The following CCSER1 variants were observed in gnomAD, a reference collection of about 807,000 sequenced individuals.
CCSER1 encodes coiled-coil serine rich protein 1, also known as serine-rich coiled-coil domain-containing protein 1.
In CCSER1, 41 loss-of-function variants were observed where a neutral mutation model predicts 82.0. The observed-to-expected ratio is 0.50, with a 90% confidence interval of 0.39 to 0.65. CCSER1 has a LOEUF of 0.65. Ranked by LOEUF, CCSER1 falls within the 30% of genes least tolerant of loss-of-function variation. CCSER1 has a pLI of 0.00. For missense variants in CCSER1, 1,119 were observed against 1,064.2 expected, an observed-to-expected ratio of 1.05 and a Z score of -0.72; for synonymous variants, 414 against 383.9, an observed-to-expected ratio of 1.08 and a Z score of -0.92.
intron 5 of CCSER1, among the ~76,000 whole-genome samples, chr4:90,517,454 T>A: frequency 6.6e-6 from 1 of 152,060 alleles, no homozygotes; most frequent in East Asian, 1.9e-4. Context: ...CATAAGTAGA[T>A]AGGTGTTGGT....
intron 10 of CCSER1, among the ~76,000 whole-genome samples, chr4:91,290,115 A>G (rs1266912289): frequency 6.6e-6 from 1 of 151,992 alleles, no homozygotes; most frequent in African/African-American, 2.4e-5. Context: ...AACATTCTAT[A>G]GTCAGTAACT....
At chr4:91,246,602 C>A (rs769819949) in intron 10 of CCSER1, among the ~76,000 whole-genome samples, 1 of 152,118 alleles carries the variant, frequency 6.6e-6, no homozygotes, top group Non-Finnish European at 1.5e-5. Flanking sequence ...TTTGTTGCAG[C>A]ACTGTTTACA....
chr4:90,738,991 TA>T lies in CCSER1; in HGVS notation c.2010+15005del, dbSNP rs576091741. On this transcript the variant is annotated intron_variant, in intron 7 of 10. Coordinates refer to ENST00000509176, the MANE Select transcript of CCSER1 (RefSeq NM_001145065.2). ...ATGGTGGAACTGGTACAAGCTTCAG[TA>T]AAAAGTCCCATTTTTTCCTTCCTCT... Among the ~76,000 whole-genome samples, 300 of 152,286 alleles carry T rather than the reference TA, an allele frequency of 2.0e-3. 1 individual carries two copies. Among genetic ancestry groups the T allele is most frequent in the African/African-American group, 6.9e-3 (285 of 41,558 alleles).
intron 6 of CCSER1, among the ~76,000 whole-genome samples, chr4:90,690,671 C>T (rs962445206): frequency 1.3e-5 from 2 of 152,046 alleles, no homozygotes; most frequent in African/African-American, 4.8e-5. Context: ...TTTCCTCATG[C>T]ATAAGTGGTA....
At chr4:90,946,817 A>G (rs1365035110) in intron 9 of CCSER1, among the ~76,000 whole-genome samples, 3 of 152,162 alleles carry the variant, frequency 2.0e-5, no homozygotes, top group Non-Finnish European at 4.4e-5. Flanking sequence ...AGAATAAACT[A>G]TATCCATTAT....
At chr4:90,136,078 TG>T (rs1220281612) in intron 1 of CCSER1, among the ~76,000 whole-genome samples, 1 of 152,224 alleles carries the variant, frequency 6.6e-6, no homozygotes. Context: ...TAACCTTATT[TG>T]TATCTTATGT....
chr4:90,509,150 A>G (rs1396049196), intron 5 of CCSER1, among the ~76,000 whole-genome samples: 1 of 152,070 alleles, frequency 6.6e-6, no homozygotes, highest in Non-Finnish European at 1.5e-5. Context: ...ATGTGTGTCA[A>G]TGAGTATGTG....
intron 10 of CCSER1, among the ~76,000 whole-genome samples, chr4:91,521,103 C>T (rs1760444826): frequency 6.6e-6 from 1 of 152,092 alleles, no homozygotes. Context: ...TCTCATTGTT[C>T]ACTTCCCACT....
intron 6 of CCSER1, among the ~76,000 whole-genome samples, chr4:90,719,105 G>T (rs887835710): frequency 6.6e-6 from 1 of 152,078 alleles, no homozygotes; most frequent in South Asian, 2.1e-4. Context: ...GGAGGTGAGC[G>T]GAGGGCGAGT....
chr4:91,483,118 A>T (rs1758035839), intron 10 of CCSER1, among the ~76,000 whole-genome samples: 1 of 152,172 alleles, frequency 6.6e-6, no homozygotes, highest in South Asian at 2.1e-4. Context: ...AAGAAAGAAA[A>T]AAATTAAATG....
At chr4:91,525,659 T>C (rs1017631882) in intron 10 of CCSER1, among the ~76,000 whole-genome samples, 4 of 152,104 alleles carry the variant, frequency 2.6e-5, no homozygotes, top group Non-Finnish European at 4.4e-5. Flanking sequence ...CCTCCTGTCA[T>C]TAGTGTCAGA....
chr4:90,260,387 T>A lies in CCSER1; in HGVS notation c.-41-47857T>A, dbSNP rs1350439814. Among the ~76,000 whole-genome samples the A allele has an allele frequency of 1.1e-4, 16 of 152,216 alleles. No individual in the cohort carries two copies. In the South Asian group the frequency reaches 3.3e-3, roughly 31 times the overall value. ...GTCTTCCACTATTATTGTGCTGCTA[T>A]CTCATTTCTTTGGTCCAGCAGTAAT... is the stretch of plus-strand genomic sequence containing the variant. On this transcript the variant is annotated intron_variant, in intron 1 of 10. Transcript: ENST00000509176.
At chr4:90,746,439 A>C (rs1417483134) in intron 7 of CCSER1, among the ~76,000 whole-genome samples, 4 of 152,182 alleles carry the variant, frequency 2.6e-5, no homozygotes, top group Non-Finnish European at 4.4e-5. Flanking sequence ...AATACAACAA[A>C]TCCTATCAAG....
At chr4:90,727,372 T>C in intron 7 of CCSER1, 1 of 448,478 alleles carries the variant, frequency 2.2e-6, no homozygotes, top group Admixed American at 2.4e-5. Context: ...AACATTGCTC[T>C]GATAAAAGAC....
intron 10 of CCSER1, among the ~76,000 whole-genome samples, chr4:91,262,557 A>T (rs1560551123): frequency 1.3e-5 from 2 of 152,074 alleles, no homozygotes; most frequent in Non-Finnish European, 2.9e-5. Context: ...AAAGTATAGA[A>T]GGGGATTATA....
intron 4 of CCSER1, among the ~76,000 whole-genome samples, chr4:90,407,947 T>G (rs1753992746): frequency 6.6e-6 from 1 of 152,160 alleles, no homozygotes; most frequent in Non-Finnish European, 1.5e-5. Flanking sequence ...AATACTGCAC[T>G]TTTCCAACGG....
intron 5 of CCSER1, among the ~76,000 whole-genome samples, chr4:90,502,055 G>A (rs1383647916): frequency 5.9e-5 from 9 of 151,992 alleles, no homozygotes; most frequent in African/African-American, 2.2e-4. Flanking sequence ...AAATTATAGA[G>A]CAAAATATGA....
At chr4:91,378,667 T>G (rs1401929996) in intron 10 of CCSER1, among the ~76,000 whole-genome samples, 1 of 152,174 alleles carries the variant, frequency 6.6e-6, no homozygotes, top group East Asian at 1.9e-4. Flanking sequence ...TGATGGGGTT[T>G]TCTAAATATA....
chr4:90,747,794 C>A, intron 7 of CCSER1, among the ~76,000 whole-genome samples: 1 of 96,322 alleles, frequency 1.0e-5, no homozygotes, highest in African/African-American at 4.0e-5. Context: ...CAGTGCTATC[C>A]CTCCCCCCTC....
Sources: gnomAD v4.1 joint callset for allele counts (sites outside exome capture counted in the v4.1 genomes callset) on GRCh38, gnomAD v4.1.1 for gene constraint, MANE v1.5 for transcripts, NCBI Gene and HGNC (gene_info 2026-07-23, HGNC 2026-07-21) for gene names.